The following LCORL variants were observed in gnomAD, a reference collection of about 807,000 sequenced individuals.
LCORL encodes ligand-dependent nuclear receptor corepressor-like protein.
Under a neutral mutation model 141.8 loss-of-function variants are expected in LCORL, and 41 were observed. The observed-to-expected ratio is 0.29, with a 90% CI of 0.23 to 0.38. The LOEUF is 0.38. Ranked by LOEUF, LCORL falls within the 10% of genes least tolerant of loss-of-function variation. The probability of loss-of-function intolerance (pLI) is 1.00; values close to 1 mark genes in which losing one functional copy is unlikely to be tolerated. For synonymous variants in LCORL, 618 were observed against 694.1 expected, an observed-to-expected ratio of 0.89 and a Z score of 1.72; for missense variants, 1,759 against 2,035.0, an observed-to-expected ratio of 0.86 and a Z score of 2.61.
At chr4:17,952,708 C>T (rs1448813739) in intron 4 of LCORL, among the ~76,000 whole-genome samples, 3 of 152,216 alleles carry the variant, frequency 2.0e-5, no homozygotes, top group Admixed American at 6.5e-5. Context: ...AGCCACCGCC[C>T]CCGGCCAAAA....
intron 1 of LCORL, among the ~76,000 whole-genome samples, chr4:18,008,498 T>C (rs1220556077): frequency 2.0e-5 from 3 of 152,352 alleles, no homozygotes. Context: ...TGCTAATTTT[T>C]AAATGAGGTT....
At chr4:17,955,730 T>C (rs1712482113) in intron 4 of LCORL, among the ~76,000 whole-genome samples, 1 of 152,080 alleles carries the variant, frequency 6.6e-6, no homozygotes, top group Admixed American at 6.6e-5. Flanking sequence ...AGAGTAAGTG[T>C]GTAGTAAAAG....
At chr4:17,901,270 A>G (rs1730821804) in intron 5 of LCORL, among the ~76,000 whole-genome samples, 1 of 152,074 alleles carries the variant, frequency 6.6e-6, no homozygotes, top group Non-Finnish European at 1.5e-5. Context: ...TAGAGTGTGT[A>G]AAGTTACCTA....
intron 4 of LCORL, among the ~76,000 whole-genome samples, chr4:17,930,184 A>G (rs1269604524): frequency 6.6e-6 from 1 of 152,232 alleles, no homozygotes; most frequent in Non-Finnish European, 1.5e-5. Flanking sequence ...GCCACTTTGG[A>G]AAACAGATTA....
At chr4:17,977,513 A>G (rs1182714621) in intron 1 of LCORL, among the ~76,000 whole-genome samples, 1 of 152,160 alleles carries the variant, frequency 6.6e-6, no homozygotes, top group Admixed American at 6.5e-5. Flanking sequence ...ACGTGGTTTT[A>G]ATTTGTATTT....
intron 4 of LCORL, among the ~76,000 whole-genome samples, chr4:17,950,772 T>A (rs1305175068): frequency 9.3e-5 from 14 of 150,264 alleles, no homozygotes; most frequent in African/African-American, 2.9e-4. Flanking sequence ...GAAAAAGGAG[T>A]CACAAATACT....
At chr4:17,981,817 G>A (rs748322695) in intron 1 of LCORL, among the ~76,000 whole-genome samples, 13 of 152,018 alleles carry the variant, frequency 8.6e-5, no homozygotes, top group Non-Finnish European at 1.8e-4. Flanking sequence ...GATGTCACAG[G>A]GGTTTGGTGT....
At chr4:17,905,899 T>C (rs555821979) in intron 5 of LCORL, among the ~76,000 whole-genome samples, 4 of 152,274 alleles carry the variant, frequency 2.6e-5, no homozygotes, top group South Asian at 2.1e-4. Context: ...TCATTGACTA[T>C]ACTATGAAGT....
chr4:18,021,760 C>A lies in LCORL; in HGVS notation c.-9G>T. On this transcript the variant is annotated 5_prime_UTR_variant, in exon 1 of 8. Transcript: ENST00000635767. The surrounding 1 kb of genome is among the most constrained non-coding windows in gnomAD (Gnocchi z 5.5). ...TCTCTTCCCTTGTCCATCTGCGTCC[C>A]GCGTCACGCGCCCTCATTTACATAC... 6.7e-7 allele frequency: 1 copy of A among 1,485,230 alleles called. No individual in the cohort carries two copies. Among genetic ancestry groups the A allele is most frequent in the Non-Finnish European group, 8.9e-7 (1 of 1,123,080 alleles). 92.0% of individuals were successfully genotyped at this position (1,485,230 alleles called of 1,614,324 possible).
rs1739483909 is a variant in LCORL, at chr4:17,950,100, AGAT to A, written c.430+11800_430+11802del. 2.0e-5 allele frequency among the ~76,000 whole-genome samples: 3 copies of A among 152,298 alleles called. No individual in the cohort carries two copies. In the South Asian group the frequency reaches 6.2e-4, roughly 32 times the overall value. ...ATTACTTTTTAAGTGGAAAGTGTAA[AGAT>A]GATATTAAGCTAAAACCTTTTTTAG... On this transcript the variant is annotated intron_variant, in intron 4 of 7. Transcript: ENST00000635767.
intron 4 of LCORL, among the ~76,000 whole-genome samples, chr4:17,925,830 C>T (rs1735033013): frequency 7.0e-6 from 1 of 143,682 alleles, no homozygotes; most frequent in Admixed American, 7.1e-5. Context: ...GAGATTGCGC[C>T]ACTGCACTCC....
At chr4:17,900,096 C>A (rs1040193409) in intron 5 of LCORL, among the ~76,000 whole-genome samples, 2 of 151,824 alleles carry the variant, frequency 1.3e-5, no homozygotes, top group Non-Finnish European at 2.9e-5. Context: ...TTTTCTTTTT[C>A]TTTTTGCTTT....
intron 1 of LCORL, among the ~76,000 whole-genome samples, chr4:17,986,536 TG>T (rs957324072): frequency 2.0e-5 from 3 of 152,188 alleles, no homozygotes; most frequent in African/African-American, 7.2e-5. Context: ...TTCCTCAGCT[TG>T]GTCTATTCTG....
intron 1 of LCORL, among the ~76,000 whole-genome samples, chr4:17,984,414 G>T (rs916351503): frequency 2.6e-5 from 4 of 152,016 alleles, no homozygotes; most frequent in Non-Finnish European, 4.4e-5. Context: ...TTTTTAGGTT[G>T]GTAGGGTATT....
rs1227351623 is a variant in LCORL at position 17,925,637 on chromosome 4, C to T, written c.431-16292G>A. 2.6e-5 allele frequency among the ~76,000 whole-genome samples: 4 copies of T among 151,900 alleles called. No individual in the cohort carries two copies. The South Asian group carries it at 6.2e-4, about 24-fold the overall frequency. ...TTGTAATCCCAGCACTTTGGGAGGC[C>T]GAGGCAGGCAGATCATGAGGTCAGA... On this transcript the variant is annotated intron_variant, in intron 4 of 7. Transcript: ENST00000635767.
chr4:17,883,633 GACAC>G (rs1167337318), intron 6 of LCORL: 30 of 1,428,638 alleles, frequency 2.1e-5, no homozygotes, highest in Middle Eastern at 2.5e-4. Context: ...TGTGTATATA[GACAC>G]ACAAATACAC....
intron 4 of LCORL, among the ~76,000 whole-genome samples, chr4:17,938,401 T>A (rs1485714903): frequency 6.6e-6 from 1 of 150,712 alleles, no homozygotes; most frequent in Non-Finnish European, 1.5e-5. Flanking sequence ...TTACTTCATT[T>A]TGTAACTGTT....
At chr4:17,845,897 G>A in exon 8 of LCORL, 1 of 1,600,824 alleles carries the variant, frequency 6.2e-7, no homozygotes, top group Non-Finnish European at 8.5e-7. Flanking sequence ...TTCACTTGTA[G>A]CATGCTGGAA....
chr4:18,019,042 G>T (rs1045156477), intron 1 of LCORL, among the ~76,000 whole-genome samples: 1 of 152,102 alleles, frequency 6.6e-6, no homozygotes. Flanking sequence ...ATAAATAAGT[G>T]CTTAACACCT....
Sources: gnomAD v4.1 joint callset for allele counts (sites outside exome capture counted in the v4.1 genomes callset) on GRCh38, gnomAD v4.1.1 for gene constraint, Gnocchi (gnomAD v3.1) non-coding constraint, MANE v1.5 for transcripts, NCBI Gene and HGNC (gene_info 2026-07-23, HGNC 2026-07-21) for gene names.